Variants in CHST8 observed in about 807,000 individuals in gnomAD.
CHST8 encodes GALNAC-4-ST1.
A neutral mutation model predicts 15.0 loss-of-function variants in CHST8; 10 were observed. That is an observed-to-expected ratio of 0.67 (90% CI 0.41 to 1.13). The LOEUF (loss-of-function observed/expected upper bound fraction) is 1.13, where lower values mean the gene tolerates loss of function less well. Among genes scored for constraint, CHST8 ranks in the 50% most tolerant of loss-of-function variants. CHST8 has a pLI of 0.00. For synonymous variants in CHST8, 259 were observed against 256.6 expected (o/e 1.01, Z -0.09); for missense variants, 634 against 608.2 (o/e 1.04, Z -0.45).
chr19:33,763,300 T>C (rs985126152), intron 3 of CHST8, among the ~76,000 whole-genome samples: 1 of 152,180 alleles, frequency 6.6e-6, no homozygotes. Context: ...GTGACTGAGT[T>C]TGATCATCTC....
intron 1 of CHST8, among the ~76,000 whole-genome samples, chr19:33,629,283 C>G (rs1972094565): frequency 1.3e-5 from 2 of 152,166 alleles, no homozygotes; most frequent in Non-Finnish European, 2.9e-5. Flanking sequence ...GCTTCCTGGA[C>G]CCCTAGAGTT....
Position 33,757,458 on chromosome 19 carries a change from GAAA to G in CHST8, c.131-13954_131-13952del, listed in dbSNP as rs1568358489. Among the ~76,000 whole-genome samples, 17 of 36,730 alleles carry G rather than the reference GAAA, an allele frequency of 4.6e-4. 2 individuals carry two copies. The highest frequency in any genetic ancestry group is 8.9e-4 in the Non-Finnish European group (16 of 17,932). The allele number at this position is 36,730 out of a possible 152,430, so 24.1% of individuals were successfully genotyped here. A position where few individuals can be genotyped will look rare whatever the true frequency, so the allele number is the denominator to read the frequency against. Reference sequence around the variant, plus strand: ...AGAAAGAAAGAAAGAAAGAAAGAAAGAAAGAAAGAAAGAAAGAAAGAAAGAAAG... The same window carrying G: ...AGAAAGAAAGAAAGAAAGAAAGAAAGGAAAGAAAGAAAGAAAGAAAGAAAG... On this transcript the variant is annotated intron_variant, in intron 3 of 4. Coordinates refer to ENST00000650847, the MANE Select transcript of CHST8 (RefSeq NM_001127895.2).
Position 33,773,290 on chromosome 19 carries a change from G to A in CHST8, c.*227G>A, listed in dbSNP as rs914557423. ...GTTTCCTCATTCCTTGGCTGAGGGA[G>A]AGGCTGAGAACTGGGCAGACACCCC... On this transcript the variant is annotated 3_prime_UTR_variant, in exon 5 of 5. Coordinates refer to ENST00000650847, the MANE Select transcript of CHST8 (RefSeq NM_001127895.2). 3.4e-6 allele frequency: 2 copies of A among 580,606 alleles called. No individual in the cohort carries two copies. The highest frequency in any genetic ancestry group is 6.0e-6 in the Non-Finnish European group (2 of 331,572). 36.0% of individuals were successfully genotyped at this position (580,606 alleles called of 1,614,324 possible). A position where few individuals can be genotyped will look rare whatever the true frequency, so the allele number is the denominator to read the frequency against.
chr19:33,641,021 T>C (rs1320971473), intron 1 of CHST8, among the ~76,000 whole-genome samples: 2 of 152,084 alleles, frequency 1.3e-5, no homozygotes, highest in Non-Finnish European at 1.5e-5. Context: ...GCCCCTTGTC[T>C]CCATTTGGGA....
At chr19:33,737,824 C>A (rs919908223) in intron 3 of CHST8, among the ~76,000 whole-genome samples, 3 of 152,188 alleles carry the variant, frequency 2.0e-5, no homozygotes, top group African/African-American at 7.2e-5. Flanking sequence ...CTCCTCCAAG[C>A]CCATTCCCTC....
At chr19:33,686,269 C>T (rs1972978367) in intron 2 of CHST8, among the ~76,000 whole-genome samples, 1 of 152,184 alleles carries the variant, frequency 6.6e-6, no homozygotes, top group Admixed American at 6.5e-5. Context: ...TCTTCTTCCC[C>T]TTCCTGGATT....
At chr19:33,719,002 C>T (rs1973724457) in intron 3 of CHST8, among the ~76,000 whole-genome samples, 1 of 152,110 alleles carries the variant, frequency 6.6e-6, no homozygotes, top group African/African-American at 2.4e-5. Context: ...GGTGTCTCTT[C>T]ACTCCAGGGC....
chr19:33,665,614 A>G (rs1205304279), intron 1 of CHST8, among the ~76,000 whole-genome samples: 1 of 151,560 alleles, frequency 6.6e-6, no homozygotes, highest in East Asian at 1.9e-4. Flanking sequence ...TGTCGAAAGG[A>G]TTGTTTGAGT....
chr19:33,719,015 C>T lies in CHST8; in HGVS notation c.130+29624C>T, dbSNP rs2145306064. 1.3e-5 allele frequency among the ~76,000 whole-genome samples: 2 copies of T among 152,150 alleles called. 1 individual carries two copies. The highest frequency in any genetic ancestry group is 4.2e-4 in the South Asian group (2 of 4,796). ...GAGGTGTCTCTTCACTCCAGGGCTTCCACCCGAGACCTGGGCTCCCGGGAC... is the reference window on the plus strand; with the variant it reads ...GAGGTGTCTCTTCACTCCAGGGCTTTCACCCGAGACCTGGGCTCCCGGGAC... On this transcript the variant is annotated intron_variant, in intron 3 of 4. Coordinates refer to ENST00000650847, the MANE Select transcript of CHST8 (RefSeq NM_001127895.2).
intron 3 of CHST8, among the ~76,000 whole-genome samples, chr19:33,730,489 C>G (rs1973974891): frequency 6.6e-6 from 1 of 152,234 alleles, no homozygotes; most frequent in South Asian, 2.1e-4. Flanking sequence ...GTGGCACATG[C>G]CCCACTGCCT....
chr19:33,771,579 G>T (rs1032072270), intron 4 of CHST8, 129 bp downstream of exon 4: 2 of 948,016 alleles, frequency 2.1e-6, no homozygotes, highest in East Asian at 2.5e-5. Context: ...CCTTTCCCAG[G>T]AGCCTTGGGA....
chr19:33,676,820 C>T (rs924803602), intron 2 of CHST8, among the ~76,000 whole-genome samples: 3 of 150,676 alleles, frequency 2.0e-5, no homozygotes, highest in Admixed American at 6.6e-5. Flanking sequence ...GAGGCTGCAG[C>T]GAGCCATGAT....
In CHST8 at chr19:33,641,227, G is replaced by A. The variant is rs1271953705; in HGVS notation, c.-164+18931G>A. Among the ~76,000 whole-genome samples, 27 of 152,216 alleles carry A rather than the reference G, an allele frequency of 1.8e-4. 1 individual carries two copies. ...AGAGCATCCAGGCAACTCAGCCCAA[G>A]ATCCTGGCTCTTAGGGACTTACCTG... On this transcript the variant is annotated intron_variant, in intron 1 of 4. Transcript: ENST00000650847.
At chr19:33,695,821 C>CTTTCTTTCTTTCTTTTTT (rs57718433) in intron 3 of CHST8, among the ~76,000 whole-genome samples, 4 of 76,236 alleles carry the variant, frequency 5.2e-5, no homozygotes, top group East Asian at 4.0e-4. Flanking sequence ...TTCTTTCTTT[C>CTTTCTTTCTTTCTTTTTT]TTTTTTTTTT....
chr19:33,640,180 T>A (rs997209738), intron 1 of CHST8, among the ~76,000 whole-genome samples: 2 of 152,194 alleles, frequency 1.3e-5, no homozygotes, highest in East Asian at 3.9e-4. Flanking sequence ...GACCCTAATG[T>A]CAGAAATCTT....
intron 3 of CHST8, among the ~76,000 whole-genome samples, chr19:33,713,307 G>A (rs1167119955): frequency 6.6e-6 from 1 of 152,130 alleles, no homozygotes; most frequent in Non-Finnish European, 1.5e-5. Context: ...GGAGGAAGGA[G>A]GATTGGCTCC....
intron 3 of CHST8, among the ~76,000 whole-genome samples, chr19:33,723,794 T>G (rs1423457374): frequency 6.6e-6 from 1 of 152,226 alleles, no homozygotes; most frequent in Non-Finnish European, 1.5e-5. Flanking sequence ...GATAGCCTTT[T>G]GCCAAGGGGT....
intron 1 of CHST8, among the ~76,000 whole-genome samples, chr19:33,648,934 C>T (rs564732670): frequency 1.7e-4 from 17 of 101,938 alleles, no homozygotes; most frequent in South Asian, 3.1e-4. Flanking sequence ...GTTGGAGTCT[C>T]GCTTTGTCAT....
At chr19:33,735,368 G>A (rs960812299) in intron 3 of CHST8, among the ~76,000 whole-genome samples, 3 of 152,254 alleles carry the variant, frequency 2.0e-5, no homozygotes, top group Admixed American at 6.5e-5. Flanking sequence ...ATGCACCCCT[G>A]GCAGCAGGAG....
Sources: allele counts gnomAD v4.1 joint callset (sites outside exome capture counted in the v4.1 genomes callset), GRCh38; gene constraint gnomAD v4.1.1; transcripts MANE v1.5; gene names NCBI Gene and HGNC (gene_info 2026-07-23, HGNC 2026-07-21).